The following TOM1L2 variants were observed in gnomAD, a reference collection of about 807,000 sequenced individuals.
TOM1L2 encodes the protein target of myb1 like 2 membrane trafficking protein, also known as TOM1-like protein 2.
In TOM1L2, 31 loss-of-function variants were observed where a neutral mutation model predicts 67.9. The observed-to-expected ratio is 0.46, with a 90% CI of 0.34 to 0.62. TOM1L2 has a LOEUF of 0.62. Ranked by LOEUF, TOM1L2 falls within the 20% of genes least tolerant of loss-of-function variation. TOM1L2 has a pLI of 0.01. For missense variants in TOM1L2, 606 were observed against 663.5 expected (o/e 0.91, Z 0.95); for synonymous variants, 256 against 254.0 (o/e 1.01, Z -0.07).
chr17:17,880,466 G>A (rs952840817), intron 6 of TOM1L2, among the ~76,000 whole-genome samples: 1 of 152,218 alleles, frequency 6.6e-6, no homozygotes, highest in Non-Finnish European at 1.5e-5. Flanking sequence ...CCTCAGTCCT[G>A]TGCCTCAGAT....
intron 1 of TOM1L2, among the ~76,000 whole-genome samples, chr17:17,914,680 A>C (rs1007276967): frequency 6.6e-6 from 1 of 152,108 alleles, no homozygotes; most frequent in Non-Finnish European, 1.5e-5. Context: ...GATTGCTCCA[A>C]ATCTCAAGAG....
At chr17:17,958,373 C>G (rs923601374) in intron 1 of TOM1L2, among the ~76,000 whole-genome samples, 8 of 152,112 alleles carry the variant, frequency 5.3e-5, no homozygotes. Flanking sequence ...AACAGAAGAC[C>G]ATTGGTGATT....
chr17:17,962,668 G>C (rs949687653), intron 1 of TOM1L2, among the ~76,000 whole-genome samples: 1 of 151,376 alleles, frequency 6.6e-6, no homozygotes, highest in Non-Finnish European at 1.5e-5. Flanking sequence ...AGTTAAAATT[G>C]TAAATTTTGG....
At chr17:17,948,341 T>C (rs2041042630) in intron 1 of TOM1L2, among the ~76,000 whole-genome samples, 1 of 152,204 alleles carries the variant, frequency 6.6e-6, no homozygotes, top group African/African-American at 2.4e-5. Context: ...ATGGAGCTTC[T>C]GTGCAATCAA....
At chr17:17,886,397 A>C (rs984271817) in intron 4 of TOM1L2, among the ~76,000 whole-genome samples, 2 of 152,256 alleles carry the variant, frequency 1.3e-5, no homozygotes, top group Non-Finnish European at 2.9e-5. Context: ...AAAGTGCCTC[A>C]CAGAGCACTG....
intron 14 of TOM1L2, 56 bp from the exon 15 acceptor site, chr17:17,847,839 A>G: frequency 6.2e-7 from 1 of 1,610,392 alleles, no homozygotes; most frequent in Non-Finnish European, 8.5e-7. Context: ...CACCAGAGGA[A>G]GCGCACCCTT....
chr17:17,901,813 A>T (rs1334867240), intron 2 of TOM1L2, among the ~76,000 whole-genome samples: 1 of 152,202 alleles, frequency 6.6e-6, no homozygotes, highest in Non-Finnish European at 1.5e-5. Context: ...CATCAGAGTC[A>T]CCTGTAGTGC....
chr17:17,875,971 T>TA (rs1183468987), intron 7 of TOM1L2, among the ~76,000 whole-genome samples: 3 of 152,236 alleles, frequency 2.0e-5, no homozygotes, highest in African/African-American at 7.2e-5. Flanking sequence ...CAAGAGGAGA[T>TA]ACACCATCTG....
intron 1 of TOM1L2, among the ~76,000 whole-genome samples, chr17:17,941,054 C>CCA (rs1397374453): frequency 1.3e-5 from 2 of 152,144 alleles, no homozygotes; most frequent in Non-Finnish European, 2.9e-5. Flanking sequence ...AGATGGCTGT[C>CCA]CAGAGATAGC....
intron 1 of TOM1L2, among the ~76,000 whole-genome samples, chr17:17,910,847 G>A (rs1229501133): frequency 1.3e-5 from 2 of 152,310 alleles, no homozygotes; most frequent in African/African-American, 4.8e-5. Flanking sequence ...GGGATTACAG[G>A]CGTGAGCCAC....
chr17:17,940,184 C>A (rs1370379525), intron 1 of TOM1L2, among the ~76,000 whole-genome samples: 3 of 115,906 alleles, frequency 2.6e-5, no homozygotes, highest in African/African-American at 3.8e-5. Context: ...CAGAGCAAGA[C>A]TCTATCTCAA....
chr17:17,900,789 C>T (rs750393007), intron 2 of TOM1L2, among the ~76,000 whole-genome samples: 3 of 152,136 alleles, frequency 2.0e-5, no homozygotes, highest in Non-Finnish European at 4.4e-5. Flanking sequence ...GGGACTTAAC[C>T]GGCTCTCTGC....
At chr17:17,871,619 A>G (rs2037159573) in intron 7 of TOM1L2, among the ~76,000 whole-genome samples, 2 of 152,126 alleles carry the variant, frequency 1.3e-5, no homozygotes, top group African/African-American at 4.8e-5. Context: ...TACAGTGAGC[A>G]GAGATTGCAC....
At chr17:17,968,891 C>T (rs1381239544) in intron 1 of TOM1L2, among the ~76,000 whole-genome samples, 1 of 151,996 alleles carries the variant, frequency 6.6e-6, no homozygotes, top group African/African-American at 2.4e-5. Context: ...TTATGAACAG[C>T]CCTCAGACTC....
At chr17:17,888,798 G>A (rs894442378) in intron 4 of TOM1L2, among the ~76,000 whole-genome samples, 1 of 152,220 alleles carries the variant, frequency 6.6e-6, no homozygotes. Context: ...AATTTCAAGG[G>A]AAAGGCTCAG....
At chr17:17,857,968 T>C in intron 12 of TOM1L2, 2 of 953,720 alleles carry the variant, frequency 2.1e-6, no homozygotes, top group Non-Finnish European at 3.2e-6. Context: ...GGAAATGTGA[T>C]GCCCTGCTCC....
At chr17:17,920,870 AGGTG>A (rs2144603321) in intron 1 of TOM1L2, among the ~76,000 whole-genome samples, 1 of 151,184 alleles carries the variant, frequency 6.6e-6, no homozygotes, top group Admixed American at 6.6e-5. Flanking sequence ...TCCTGACCTC[AGGTG>A]ATCCACCCGC....
chr17:17,916,893 C>G (rs1194455895), intron 1 of TOM1L2, among the ~76,000 whole-genome samples: 1 of 152,176 alleles, frequency 6.6e-6, no homozygotes, highest in African/African-American at 2.4e-5. Flanking sequence ...CACAGTGGCT[C>G]ACACCTGTAA....
chr17:17,860,321 G>A (rs1441989572), intron 12 of TOM1L2, among the ~76,000 whole-genome samples: 2 of 152,254 alleles, frequency 1.3e-5, no homozygotes, highest in African/African-American at 2.4e-5. Flanking sequence ...CAGGGGTTCA[G>A]GTGGCACTGC....
Sources: allele counts gnomAD v4.1 joint callset (sites outside exome capture counted in the v4.1 genomes callset), GRCh38; gene constraint gnomAD v4.1.1; transcripts MANE v1.5; gene names NCBI Gene and HGNC (gene_info 2026-07-23, HGNC 2026-07-21).